The following TBC1D22A variants were observed in gnomAD, a reference collection of about 807,000 sequenced individuals.
The protein encoded by TBC1D22A is TBC1 domain family member 22A, also known as putative GTPase activator.
TBC1D22A carries 38 observed loss-of-function variants against 60.2 expected under a neutral mutation model. That is an observed-to-expected ratio of 0.63 (90% CI 0.49 to 0.83). The LOEUF (loss-of-function observed/expected upper bound fraction) is 0.83, where lower values mean the gene tolerates loss of function less well. Ranked by LOEUF, TBC1D22A falls within the 40% of genes least tolerant of loss-of-function variation. TBC1D22A has a pLI of 0.00. For synonymous variants in TBC1D22A, 302 were observed against 281.7 expected, an observed-to-expected ratio of 1.07 and a Z score of -0.72; for missense variants, 628 against 701.0, an observed-to-expected ratio of 0.90 and a Z score of 1.18.
rs57116517 is a variant in TBC1D22A, at chr22:46,904,142, T to TCTATCTGCCTACCTACCTAC, written c.901-7929_901-7928insTCTGCCTACCTACCTACCTA. Among the ~76,000 whole-genome samples, 1,099 of 134,548 alleles carry TCTATCTGCCTACCTACCTAC rather than the reference T, an allele frequency of 8.2e-3. 11 individuals are homozygous for TCTATCTGCCTACCTACCTAC. The highest frequency in any genetic ancestry group is 0.02 in the African/African-American group (670 of 33,870). The allele number at this position is 134,548 out of a possible 152,430, so 88.3% of individuals were successfully genotyped here. Reference sequence around the variant, plus strand: ...ATCTATCTATCTATCTATCTATCTATCTACCTACCTACCTACCTACCTACC... The same window carrying TCTATCTGCCTACCTACCTAC: ...ATCTATCTATCTATCTATCTATCTATCTATCTGCCTACCTACCTACCTACCTACCTACCTACCTACCTACC... On this transcript the variant is annotated intron_variant, in intron 7 of 12. Transcript: ENST00000337137.
intron 9 of TBC1D22A, among the ~76,000 whole-genome samples, chr22:46,987,486 C>T (rs1249681719): frequency 6.6e-6 from 1 of 152,104 alleles, no homozygotes; most frequent in Non-Finnish European, 1.5e-5. Context: ...GGAGATATTG[C>T]ATGTTTGATT....
At chr22:46,910,242 TG>T (rs2069816346) in intron 7 of TBC1D22A, among the ~76,000 whole-genome samples, 1 of 152,086 alleles carries the variant, frequency 6.6e-6, no homozygotes, top group Non-Finnish European at 1.5e-5. Flanking sequence ...CATGCTAGCG[TG>T]GGGTGGCGGG....
At chr22:47,021,325 G>T (rs1369870324) in intron 10 of TBC1D22A, among the ~76,000 whole-genome samples, 6 of 126,384 alleles carry the variant, frequency 4.7e-5, no homozygotes, top group East Asian at 4.9e-4. Flanking sequence ...CCCACCTGTA[G>T]CCTGGAGCCC....
chr22:46,894,749 C>T lies in TBC1D22A; in HGVS notation c.838-35C>T, dbSNP rs748146759. 28 of 1,611,850 alleles carry T rather than the reference C, an allele frequency of 1.7e-5. 1 individual carries two copies. In the South Asian group the frequency reaches 2.1e-4, roughly 12 times the overall value. Reference sequence around the variant, plus strand: ...TCGCTCGTAATGATGTTTGTTGTGACGTAACATAAATGTCCGTTTCTCCTG... The same window carrying T: ...TCGCTCGTAATGATGTTTGTTGTGATGTAACATAAATGTCCGTTTCTCCTG... On this transcript the variant is annotated intron_variant, in intron 6 of 12. Transcript: ENST00000337137.
intron 4 of TBC1D22A, among the ~76,000 whole-genome samples, chr22:46,866,079 A>G (rs993854563): frequency 6.6e-6 from 1 of 152,210 alleles, no homozygotes; most frequent in Admixed American, 6.5e-5. Flanking sequence ...GCATAAAGCC[A>G]AAAAATAAAG....
At chr22:46,802,976 T>C (rs560072982) in intron 4 of TBC1D22A, among the ~76,000 whole-genome samples, 4 of 152,060 alleles carry the variant, frequency 2.6e-5, no homozygotes, top group Non-Finnish European at 5.9e-5. Context: ...GAACAGCCGA[T>C]AGACACAGAA....
chr22:46,920,729 C>A (rs1192474127), intron 8 of TBC1D22A, among the ~76,000 whole-genome samples: 1 of 151,910 alleles, frequency 6.6e-6, no homozygotes, highest in Non-Finnish European at 1.5e-5. Context: ...AACACTGAAA[C>A]AATATATAAT....
chr22:46,950,327 T>C (rs2072821638), intron 8 of TBC1D22A, among the ~76,000 whole-genome samples: 1 of 151,968 alleles, frequency 6.6e-6, no homozygotes, highest in African/African-American at 2.4e-5. Flanking sequence ...AGGTTCTGAG[T>C]TTGGAAGGAT....
At chr22:47,169,664 G>A (rs543281052) in intron 12 of TBC1D22A, among the ~76,000 whole-genome samples, 1 of 152,292 alleles carries the variant, frequency 6.6e-6, no homozygotes, top group East Asian at 1.9e-4. Context: ...TGCACTCCAC[G>A]CTGCCCTCTG....
At chr22:47,052,668 T>C (rs114045074) in intron 11 of TBC1D22A, among the ~76,000 whole-genome samples, 2,955 of 152,288 alleles carry the variant, frequency 0.019, 100 homozygotes, top group African/African-American at 0.064. Flanking sequence ...GGGCAGCGGC[T>C]GGAGGCTCTG....
At chr22:46,879,728 T>C (rs144570439) in intron 5 of TBC1D22A, among the ~76,000 whole-genome samples, 57 of 152,360 alleles carry the variant, frequency 3.7e-4, no homozygotes, top group African/African-American at 1.3e-3. Context: ...GGTTGCAGAC[T>C]TCTCAGGTTG....
At chr22:46,793,369 C>A in intron 2 of TBC1D22A, 132 bp from the exon 3 acceptor site, 1 of 875,104 alleles carries the variant, frequency 1.1e-6, no homozygotes, top group Non-Finnish European at 1.7e-6. Context: ...ATTGTGTTTG[C>A]TTTTTCACTC....
At chr22:46,815,600 A>G (rs1265487572) in intron 4 of TBC1D22A, among the ~76,000 whole-genome samples, 2 of 152,270 alleles carry the variant, frequency 1.3e-5, no homozygotes, top group East Asian at 3.9e-4. Context: ...CTCACTCATG[A>G]ATTCAGTCAT....
intron 8 of TBC1D22A, among the ~76,000 whole-genome samples, chr22:46,953,433 A>G (rs1008941984): frequency 6.6e-6 from 1 of 152,128 alleles, no homozygotes; most frequent in Non-Finnish European, 1.5e-5. Flanking sequence ...TATCTTTTAA[A>G]GAAATTATTT....
At chr22:46,819,784 A>G (rs191862685) in intron 4 of TBC1D22A, among the ~76,000 whole-genome samples, 13 of 152,206 alleles carry the variant, frequency 8.5e-5, no homozygotes, top group Admixed American at 4.6e-4. Flanking sequence ...CTCTTTTTCA[A>G]TTGTTTGGAA....
intron 4 of TBC1D22A, among the ~76,000 whole-genome samples, chr22:46,853,672 A>G (rs2087409885): frequency 1.3e-5 from 2 of 152,222 alleles, no homozygotes; most frequent in African/African-American, 2.4e-5. Context: ...TGTACTTGAG[A>G]GCGGAACAGG....
In TBC1D22A at chr22:46,786,612, A is replaced by C. The variant is rs146456131; in HGVS notation, c.63-5908A>C. ...TAATTCTTCTTTATCTATTTGGTAG[A>C]ATTTACCAGTGAATCCCTCTGGGCT... On this transcript the variant is annotated intron_variant, in intron 1 of 12. Coordinates refer to ENST00000337137, the MANE Select transcript of TBC1D22A (RefSeq NM_014346.5). 7.9e-5 allele frequency among the ~76,000 whole-genome samples: 12 copies of C among 152,230 alleles called. No homozygotes were observed. In the East Asian group the frequency reaches 2.1e-3, roughly 27 times the overall value.
At chr22:47,026,754 A>C (rs1330315746) in intron 10 of TBC1D22A, among the ~76,000 whole-genome samples, 1 of 152,246 alleles carries the variant, frequency 6.6e-6, no homozygotes, top group Non-Finnish European at 1.5e-5. Context: ...GAGAAATGAA[A>C]GATGACCTAA....
intron 1 of TBC1D22A, among the ~76,000 whole-genome samples, chr22:46,791,641 G>A (rs1231129740): frequency 6.6e-6 from 1 of 152,016 alleles, no homozygotes; most frequent in African/African-American, 2.4e-5. Flanking sequence ...AGCCAAAGGA[G>A]CAAAGGCTTC....
Sources: gnomAD v4.1 joint callset for allele counts (sites outside exome capture counted in the v4.1 genomes callset) on GRCh38, gnomAD v4.1.1 for gene constraint, MANE v1.5 for transcripts, NCBI Gene and HGNC (gene_info 2026-07-23, HGNC 2026-07-21) for gene names.